The following MAP4K5 variants were observed in gnomAD, a reference collection of about 807,000 sequenced individuals.
MAP4K5 encodes mitogen-activated protein kinase kinase kinase kinase 5.
In MAP4K5, 82 loss-of-function variants were observed where a neutral mutation model predicts 135.6. The ratio of observed to expected loss-of-function variants is 0.60; its 90% CI spans 0.51 to 0.73. The LOEUF (loss-of-function observed/expected upper bound fraction) is 0.73. Among genes scored for constraint, MAP4K5 ranks in the 30% least tolerant of loss-of-function variants. The probability of loss-of-function intolerance (pLI) is 0.00; values close to 1 mark genes in which losing one functional copy is unlikely to be tolerated. For missense variants in MAP4K5, 907 were observed against 1,010.9 expected (o/e 0.90, Z 1.39); for synonymous variants, 347 against 335.0 (o/e 1.04, Z -0.39).
At chr14:50,501,182 A>T (rs1006841954) in intron 3 of MAP4K5, among the ~76,000 whole-genome samples, 1 of 152,190 alleles carries the variant, frequency 6.6e-6, no homozygotes, top group East Asian at 1.9e-4. Flanking sequence ...CAAATAAACC[A>T]ATGAACAGTT....
intron 2 of MAP4K5, among the ~76,000 whole-genome samples, chr14:50,514,867 C>A (rs1267419109): frequency 6.6e-6 from 1 of 151,822 alleles, no homozygotes; most frequent in African/African-American, 2.4e-5. Context: ...CGCCTATCTT[C>A]CTGTAGCTAT....
chr14:50,513,032 C>T (rs71420187), intron 2 of MAP4K5, among the ~76,000 whole-genome samples: 1,565 of 152,154 alleles, frequency 0.01, 18 homozygotes, highest in Middle Eastern at 0.024. Flanking sequence ...TTAAGATATA[C>T]TAAACACCTA....
chr14:50,514,156 C>A (rs903012436), intron 2 of MAP4K5, among the ~76,000 whole-genome samples: 1 of 152,260 alleles, frequency 6.6e-6, no homozygotes, highest in African/African-American at 2.4e-5. Flanking sequence ...CAGCTCACTG[C>A]AGCCTCCACC....
At chr14:50,556,464 C>CA (rs1431438629) in intron 1 of MAP4K5, among the ~76,000 whole-genome samples, 1 of 152,146 alleles carries the variant, frequency 6.6e-6, no homozygotes, top group Admixed American at 6.5e-5. Context: ...GTGATCCTCC[C>CA]ACCTCAGCTT....
intron 28 of MAP4K5, among the ~76,000 whole-genome samples, chr14:50,431,341 C>A (rs1443800346): frequency 6.6e-6 from 1 of 152,012 alleles, no homozygotes; most frequent in Non-Finnish European, 1.5e-5. Flanking sequence ...CCATCTGGTG[C>A]GCTGCACCCA....
At chr14:50,553,164 T>C (rs1175688538) in intron 1 of MAP4K5, among the ~76,000 whole-genome samples, 1 of 151,118 alleles carries the variant, frequency 6.6e-6, no homozygotes, top group Admixed American at 6.6e-5. Context: ...TGCATGGTGG[T>C]GTGTGCCTGT....
Position 50,440,452 on chromosome 14 carries a change from T to G in MAP4K5, c.1565-11A>C, listed in dbSNP as rs768361254. 1 of 1,416,144 alleles carries G rather than the reference T, an allele frequency of 7.1e-7. No homozygotes were observed. The highest frequency in any genetic ancestry group is 1.3e-5 in the South Asian group (1 of 76,180). The allele number at this position is 1,416,144 out of a possible 1,614,324, so 87.7% of individuals were successfully genotyped here. A position where few individuals can be genotyped will look rare whatever the true frequency, so the allele number is the denominator to read the frequency against. On this transcript the variant is annotated splice_polypyrimidine_tract_variant and intron_variant, in intron 21 of 32. Transcript: ENST00000682126. Reference sequence around the variant, plus strand: ...AAATAATGTACTGATCTAAAATAGTTGAGATAAATCACCAGAATTTACCAT... The same window carrying G: ...AAATAATGTACTGATCTAAAATAGTGGAGATAAATCACCAGAATTTACCAT...
In MAP4K5 at chr14:50,428,907, C is replaced by G. The variant is rs1211064244; in HGVS notation, c.2234-153G>C. 3.9e-5 allele frequency among the ~76,000 whole-genome samples: 6 copies of G among 152,122 alleles called. No individual in the cohort carries two copies. The East Asian group carries it at 1.2e-3, about 29-fold the overall frequency. ...CAGGTATGCCAAATGGCAAAAAATA[C>G]TGTAAGAGTGCCTCCATCGGCAAAT... is the stretch of plus-strand genomic sequence containing the variant. On this transcript the variant is annotated intron_variant, in intron 29 of 32. Transcript: ENST00000682126.
rs1595479468 is a variant in MAP4K5, at chr14:50,470,943, A to C, written c.543-2161T>G. Among the ~76,000 whole-genome samples, 2 of 152,326 alleles carry C rather than the reference A, an allele frequency of 1.3e-5. 1 individual carries two copies. The highest frequency in any genetic ancestry group is 4.1e-4 in the South Asian group (2 of 4,822). ...GAATAAAGAAGATAAATATTGCTTAAAGTTTTTGATAAACATTACCATCAA... is the reference window on the plus strand; with the variant it reads ...GAATAAAGAAGATAAATATTGCTTACAGTTTTTGATAAACATTACCATCAA... On this transcript the variant is annotated intron_variant, in intron 9 of 32. Transcript: ENST00000682126.
chr14:50,443,881 C>T (rs1595442992), intron 19 of MAP4K5, 58 bp downstream of exon 19: 1 of 1,471,638 alleles, frequency 6.8e-7, no homozygotes, highest in Middle Eastern at 1.7e-4. Flanking sequence ...GACTATGCCC[C>T]TTGCATGATA....
At chr14:50,462,057 G>A (rs904617340) in intron 13 of MAP4K5, among the ~76,000 whole-genome samples, 5 of 152,044 alleles carry the variant, frequency 3.3e-5, no homozygotes, top group Middle Eastern at 3.2e-3. Context: ...TTTTCCAACA[G>A]GAACTTCAGC....
chr14:50,551,817 TC>T, intron 1 of MAP4K5, among the ~76,000 whole-genome samples: 1 of 152,288 alleles, frequency 6.6e-6, no homozygotes, highest in Middle Eastern at 3.4e-3. Flanking sequence ...CAGCATCCTT[TC>T]ATGATCAAAA....
intron 2 of MAP4K5, among the ~76,000 whole-genome samples, chr14:50,510,607 C>T (rs2037911508): frequency 6.6e-6 from 1 of 152,078 alleles, no homozygotes; most frequent in Non-Finnish European, 1.5e-5. Context: ...ACTGACAATA[C>T]ATTATTTTAA....
At chr14:50,556,780 A>G (rs942392149) in intron 1 of MAP4K5, among the ~76,000 whole-genome samples, 1 of 152,196 alleles carries the variant, frequency 6.6e-6, no homozygotes, top group African/African-American at 2.4e-5. Flanking sequence ...TTCATTTACT[A>G]TAATGTTTTC....
chr14:50,487,223 G>A (rs1272905739), intron 3 of MAP4K5, among the ~76,000 whole-genome samples: 1 of 152,172 alleles, frequency 6.6e-6, no homozygotes, highest in Admixed American at 6.5e-5. Context: ...CAGGAGAATC[G>A]CTTGAACCTG....
chr14:50,493,528 G>A (rs2037530284), intron 3 of MAP4K5, among the ~76,000 whole-genome samples: 2 of 151,952 alleles, frequency 1.3e-5, no homozygotes. Flanking sequence ...TCTGTTCACA[G>A]ATGACACGAT....
intron 2 of MAP4K5, among the ~76,000 whole-genome samples, chr14:50,513,398 T>G (rs1595533637): frequency 6.6e-6 from 1 of 152,162 alleles, no homozygotes. Context: ...ATTATGCAAT[T>G]GCCAGTTTTG....
At chr14:50,550,740 A>G (rs531951921) in intron 1 of MAP4K5, among the ~76,000 whole-genome samples, 1 of 152,248 alleles carries the variant, frequency 6.6e-6, no homozygotes, top group Non-Finnish European at 1.5e-5. Context: ...AATAGCTCCA[A>G]AAGGAATCCT....
chr14:50,505,302 T>C (rs1350752131), intron 2 of MAP4K5, among the ~76,000 whole-genome samples: 1 of 152,158 alleles, frequency 6.6e-6, no homozygotes, highest in Non-Finnish European at 1.5e-5. Context: ...TGTATATGCA[T>C]GTGCATTATG....
Sources: allele counts gnomAD v4.1 joint callset (sites outside exome capture counted in the v4.1 genomes callset), GRCh38; gene constraint gnomAD v4.1.1; transcripts MANE v1.5; gene names NCBI Gene and HGNC (gene_info 2026-07-23, HGNC 2026-07-21).